The following AGBL3 variants were observed in gnomAD, a reference collection of about 807,000 sequenced individuals.
AGBL3 encodes cytosolic carboxypeptidase 3.
AGBL3 carries 68 observed loss-of-function variants against 94.5 expected under a neutral mutation model. That is an observed-to-expected ratio of 0.72 (90% CI 0.59 to 0.88). AGBL3 has a LOEUF of 0.88. AGBL3 is among the 40% of genes least tolerant of loss of function. The probability of loss-of-function intolerance (pLI) is 0.00; values close to 1 mark genes in which losing one functional copy is unlikely to be tolerated. For missense variants in AGBL3, 934 were observed against 1,103.8 expected (o/e 0.85, Z 2.18); for synonymous variants, 354 against 370.7 (o/e 0.95, Z 0.52).
chr7:135,029,379 A>G (rs1815485740), intron 5 of AGBL3, among the ~76,000 whole-genome samples: 1 of 152,226 alleles, frequency 6.6e-6, no homozygotes, highest in African/African-American at 2.4e-5. Context: ...AAGTTTCTGC[A>G]TCATCACTTG....
rs1302107775 is a variant in AGBL3, at chr7:135,064,869, TA to T, written c.1908+5639del. 1.2e-4 allele frequency among the ~76,000 whole-genome samples: 18 copies of T among 152,336 alleles called. 1 individual carries two copies. Among genetic ancestry groups the T allele is most frequent in the African/African-American group, 4.3e-4 (18 of 41,578 alleles). On this transcript the variant is annotated intron_variant, in intron 12 of 16. Transcript: ENST00000436302. ...AAGGGAAATTTGTTGGATTACTAAA[TA>T]AAAAGTCTAGGGACAAGGCTGGCTT...
At chr7:135,117,194 A>G (rs1255246479) in intron 16 of AGBL3, among the ~76,000 whole-genome samples, 1 of 152,048 alleles carries the variant, frequency 6.6e-6, no homozygotes, top group Non-Finnish European at 1.5e-5. Context: ...AAGAATTTTC[A>G]TCATTACCAA....
intron 12 of AGBL3, among the ~76,000 whole-genome samples, chr7:135,067,502 C>T (rs1819453251): frequency 6.6e-6 from 1 of 152,202 alleles, no homozygotes; most frequent in African/African-American, 2.4e-5. Context: ...TAGGGGCAGA[C>T]TGACACCTCA....
chr7:135,127,353 G>A lies in AGBL3; in HGVS notation c.2343-7488G>A, dbSNP rs137902552. ...GGGTGGATCACGAGGTCAGAATATCGAGACCATCCTGGCCAACATGAAACC... is the reference window on the plus strand; with the variant it reads ...GGGTGGATCACGAGGTCAGAATATCAAGACCATCCTGGCCAACATGAAACC... On this transcript the variant is annotated intron_variant, in intron 16 of 16. Transcript: ENST00000436302. Among the ~76,000 whole-genome samples the A allele has an allele frequency of 9.7e-3, 1,473 of 151,674 alleles. 19 individuals are homozygous for A. Among genetic ancestry groups the A allele is most frequent in the Non-Finnish European group, 0.012 (812 of 67,870 alleles).
intron 11 of AGBL3, chr7:135,051,007 T>C: frequency 2.3e-6 from 1 of 431,068 alleles, no homozygotes; most frequent in Non-Finnish European, 4.6e-6. Context: ...TTTCTAATGC[T>C]GTCACTACCC....
At chr7:135,004,809 T>C (rs981147281) in intron 4 of AGBL3, among the ~76,000 whole-genome samples, 12 of 151,584 alleles carry the variant, frequency 7.9e-5, no homozygotes, top group Non-Finnish European at 1.8e-4. Context: ...AGTATGTTGG[T>C]AGGCTTTATC....
intron 16 of AGBL3, among the ~76,000 whole-genome samples, chr7:135,134,420 T>A (rs1829198193): frequency 6.6e-6 from 1 of 152,106 alleles, no homozygotes; most frequent in African/African-American, 2.4e-5. Flanking sequence ...CTCACGTTGA[T>A]TTTTTTACTG....
intron 12 of AGBL3, among the ~76,000 whole-genome samples, chr7:135,071,419 T>C (rs1253778648): frequency 1.3e-5 from 2 of 152,020 alleles, no homozygotes; most frequent in Non-Finnish European, 2.9e-5. Flanking sequence ...TACTTTAAAG[T>C]TCATATGGAA....
intron 15 of AGBL3, among the ~76,000 whole-genome samples, chr7:135,098,548 T>C (rs1823274473): frequency 1.3e-5 from 2 of 152,310 alleles, no homozygotes; most frequent in African/African-American, 2.4e-5. Context: ...CTGTATTCCA[T>C]GCTGAAAACA....
At chr7:134,992,293 G>A (rs531441207) in intron 3 of AGBL3, among the ~76,000 whole-genome samples, 17 of 152,242 alleles carry the variant, frequency 1.1e-4, no homozygotes, top group African/African-American at 3.1e-4. Flanking sequence ...TCTTTACTCC[G>A]GGGCTGAGTT....
chr7:135,053,865 GA>G (rs1280008528), intron 11 of AGBL3, among the ~76,000 whole-genome samples: 1 of 152,092 alleles, frequency 6.6e-6, no homozygotes, highest in Non-Finnish European at 1.5e-5. Context: ...TCGATTTTAA[GA>G]AGAATAAGTA....
intron 15 of AGBL3, chr7:135,092,585 T>G (rs1249547066): frequency 6.6e-6 from 1 of 152,156 alleles, no homozygotes; most frequent in Non-Finnish European, 1.5e-5. Flanking sequence ...GCAGAGTGGG[T>G]GACAAGTAAA....
intron 4 of AGBL3, among the ~76,000 whole-genome samples, chr7:134,997,258 T>C (rs1811123785): frequency 6.6e-6 from 1 of 152,124 alleles, no homozygotes; most frequent in Non-Finnish European, 1.5e-5. Context: ...CAGGTGGTAA[T>C]GGTCGTTCGC....
intron 15 of AGBL3, among the ~76,000 whole-genome samples, chr7:135,086,072 T>C (rs1821315039): frequency 6.6e-6 from 1 of 152,106 alleles, no homozygotes; most frequent in Admixed American, 6.6e-5. Flanking sequence ...AATTTATTCC[T>C]ACATATTATT....
At chr7:135,030,720 T>A (rs1471382310) in intron 5 of AGBL3, among the ~76,000 whole-genome samples, 1 of 152,228 alleles carries the variant, frequency 6.6e-6, no homozygotes. Context: ...TGTTGGATTC[T>A]AGATACGTCC....
intron 16 of AGBL3, among the ~76,000 whole-genome samples, chr7:135,133,276 A>T (rs1364664588): frequency 6.6e-6 from 1 of 152,218 alleles, no homozygotes; most frequent in Non-Finnish European, 1.5e-5. Context: ...TGAATAAGAG[A>T]AATTTTAAAA....
chr7:135,058,941 G>T (rs1008976226), intron 11 of AGBL3, among the ~76,000 whole-genome samples: 1 of 152,102 alleles, frequency 6.6e-6, no homozygotes, highest in Admixed American at 6.5e-5. Flanking sequence ...ATTTTTAGCA[G>T]AGACAGGGTT....
At chr7:134,996,798 G>A (rs1343568355) in intron 4 of AGBL3, among the ~76,000 whole-genome samples, 1 of 152,108 alleles carries the variant, frequency 6.6e-6, no homozygotes, top group Non-Finnish European at 1.5e-5. Flanking sequence ...TCTGGTATAA[G>A]GATACTGTCA....
chr7:135,005,362 A>G (rs1224809739), intron 4 of AGBL3, among the ~76,000 whole-genome samples: 2 of 151,810 alleles, frequency 1.3e-5, no homozygotes, highest in Non-Finnish European at 3.0e-5. Flanking sequence ...CATTACTGTT[A>G]TAATTACTTT....
Sources: gnomAD v4.1 joint callset for allele counts (sites outside exome capture counted in the v4.1 genomes callset) on GRCh38, gnomAD v4.1.1 for gene constraint, MANE v1.5 for transcripts, NCBI Gene and HGNC (gene_info 2026-07-23, HGNC 2026-07-21) for gene names.